The following CAMKMT variants were observed in gnomAD, a reference collection of about 807,000 sequenced individuals.
CAMKMT encodes calmodulin-lysine N-methyltransferase, also known as CaM KMT.
Under a neutral mutation model 48.0 loss-of-function variants are expected in CAMKMT, and 53 were observed. That is an observed-to-expected ratio of 1.10 (90% CI 0.89 to 1.39). CAMKMT has a LOEUF of 1.39. Among genes scored for constraint, CAMKMT ranks in the 40% most tolerant of loss-of-function variants. The pLI, the probability that CAMKMT is intolerant of heterozygous loss-of-function variation, is 0.00. For missense variants in CAMKMT, 428 were observed against 402.7 expected, an observed-to-expected ratio of 1.06 and a Z score of -0.54; for synonymous variants, 165 against 152.3, an observed-to-expected ratio of 1.08 and a Z score of -0.61.
intron 3 of CAMKMT, among the ~76,000 whole-genome samples, chr2:44,595,752 A>G (rs1212556471): frequency 6.6e-6 from 1 of 152,238 alleles, no homozygotes. Flanking sequence ...CATGAATCAT[A>G]GACTGGATAA....
intron 3 of CAMKMT, among the ~76,000 whole-genome samples, chr2:44,525,050 TG>T (rs531072923): frequency 9.6e-4 from 146 of 152,192 alleles, no homozygotes; most frequent in African/African-American, 3.4e-3. Flanking sequence ...TTATTTTATA[TG>T]AGGATAAGTG....
intron 9 of CAMKMT, among the ~76,000 whole-genome samples, chr2:44,765,877 C>A (rs925118306): frequency 6.6e-6 from 1 of 152,178 alleles, no homozygotes; most frequent in Non-Finnish European, 1.5e-5. Context: ...TATCTGACAG[C>A]GTGGTCACAG....
At chr2:44,626,929 A>G (rs1455746140) in intron 3 of CAMKMT, among the ~76,000 whole-genome samples, 1 of 152,188 alleles carries the variant, frequency 6.6e-6, no homozygotes, top group Non-Finnish European at 1.5e-5. Context: ...AAGTGTTTAC[A>G]GTGGATATCC....
chr2:44,681,996 C>T (rs894964817), intron 3 of CAMKMT, among the ~76,000 whole-genome samples: 16 of 152,190 alleles, frequency 1.1e-4, no homozygotes, highest in East Asian at 1.9e-4. Context: ...TCCTCGGTCT[C>T]GATAAGTCTG....
intron 3 of CAMKMT, among the ~76,000 whole-genome samples, chr2:44,485,051 A>C (rs530510965): frequency 1.3e-4 from 20 of 152,324 alleles, no homozygotes; most frequent in African/African-American, 4.3e-4. Context: ...GGTGAAAACT[A>C]AGACTGGCAA....
chr2:44,530,052 A>G (rs1435618983), intron 3 of CAMKMT, among the ~76,000 whole-genome samples: 1 of 152,194 alleles, frequency 6.6e-6, no homozygotes, highest in Non-Finnish European at 1.5e-5. Context: ...AGTTAGAGAA[A>G]TGGATTTCAG....
intron 3 of CAMKMT, among the ~76,000 whole-genome samples, chr2:44,495,328 C>T (rs1045225573): frequency 5.9e-5 from 9 of 151,926 alleles, no homozygotes; most frequent in East Asian, 1.9e-4. Flanking sequence ...TTTTTGGTAG[C>T]GGTCAGGATC....
chr2:44,672,677 T>C (rs1263825374), intron 3 of CAMKMT, among the ~76,000 whole-genome samples: 2 of 152,200 alleles, frequency 1.3e-5, no homozygotes, highest in East Asian at 1.9e-4. Flanking sequence ...CAGAAACTCA[T>C]AGTTGCTTAT....
At position 44,634,616 on chromosome 2, in the gene CAMKMT, G is replaced by A. The variant is rs188672418; in HGVS notation, c.377-69667G>A. Among the ~76,000 whole-genome samples, 5 of 152,056 alleles carry A rather than the reference G, an allele frequency of 3.3e-5. No individual in the cohort carries two copies. The East Asian group carries it at 9.7e-4, about 29-fold the overall frequency. On this transcript the variant is annotated intron_variant, in intron 3 of 10. Transcript: ENST00000378494. ...CATGCCAGGATTTGGGGATACAAAGGAATAACTCTTTCTATCTTCAAGGAA... is the reference window on the plus strand; with the variant it reads ...CATGCCAGGATTTGGGGATACAAAGAAATAACTCTTTCTATCTTCAAGGAA...
At chr2:44,721,992 A>G (rs543117688) in intron 7 of CAMKMT, among the ~76,000 whole-genome samples, 5 of 152,250 alleles carry the variant, frequency 3.3e-5, no homozygotes, top group African/African-American at 1.2e-4. Flanking sequence ...ACATAAATGG[A>G]AGTGTATAAT....
At chr2:44,577,106 G>A (rs1669265684) in intron 3 of CAMKMT, among the ~76,000 whole-genome samples, 2 of 152,188 alleles carry the variant, frequency 1.3e-5, no homozygotes, top group African/African-American at 4.8e-5. Context: ...CTTTGATGCT[G>A]GTTGTACAAG....
chr2:44,599,404 ATAGCTACTGCACTGGT>A (rs1453161250), intron 3 of CAMKMT, among the ~76,000 whole-genome samples: 1 of 152,124 alleles, frequency 6.6e-6, no homozygotes, highest in African/African-American at 2.4e-5. Context: ...TCAACATTTT[ATAGCTACTGCACTGGT>A]TACAGCTAAT....
chr2:44,524,296 T>C (rs957230121), intron 3 of CAMKMT, among the ~76,000 whole-genome samples: 15 of 152,118 alleles, frequency 9.9e-5, no homozygotes, highest in African/African-American at 3.1e-4. Context: ...ATACAGTCCA[T>C]CTTCGTAGCC....
chr2:44,653,234 C>T lies in CAMKMT; in HGVS notation c.377-51049C>T, dbSNP rs1232062885. Among the ~76,000 whole-genome samples the T allele has an allele frequency of 1.3e-5, 2 of 152,082 alleles. No individual in the cohort carries two copies. The highest frequency in any genetic ancestry group is 2.9e-5 in the Non-Finnish European group (2 of 68,002). On this transcript the variant is annotated intron_variant, in intron 3 of 10. Coordinates refer to ENST00000378494, the MANE Select transcript of CAMKMT (RefSeq NM_024766.5). This position sits in a 1 kb window ranked among gnomAD's most constrained non-coding sequence, Gnocchi z 5.2. ...GGGACATCTCCTCTGCTTTTAATAT[C>T]CTCTTCAACTGGCCCAGAGAGCTCC...
At chr2:44,743,798 G>T in intron 8 of CAMKMT, 102 bp downstream of exon 8, 1 of 784,046 alleles carries the variant, frequency 1.3e-6, no homozygotes, top group Non-Finnish European at 2.1e-6. Flanking sequence ...GTCAACAAAT[G>T]AAGCACAAAG....
chr2:44,527,350 A>G (rs936108089), intron 3 of CAMKMT, among the ~76,000 whole-genome samples: 19 of 143,472 alleles, frequency 1.3e-4, no homozygotes, highest in African/African-American at 4.9e-4. Flanking sequence ...ATATATACAT[A>G]TATAATATAT....
intron 3 of CAMKMT, among the ~76,000 whole-genome samples, chr2:44,667,234 T>C (rs1675041566): frequency 1.3e-5 from 2 of 152,206 alleles, no homozygotes; most frequent in South Asian, 4.1e-4. Flanking sequence ...CCTGACTAAA[T>C]GGATTGATTT....
chr2:44,746,788 G>A (rs1013874223), intron 8 of CAMKMT, among the ~76,000 whole-genome samples: 5 of 152,204 alleles, frequency 3.3e-5, no homozygotes, highest in Non-Finnish European at 5.9e-5. Flanking sequence ...TTAATATAAG[G>A]ATTCCTTTCT....
chr2:44,429,866 A>G (rs1328595352), intron 3 of CAMKMT, among the ~76,000 whole-genome samples: 1 of 151,590 alleles, frequency 6.6e-6, no homozygotes, highest in Non-Finnish European at 1.5e-5. Context: ...TCAGGTGCTA[A>G]TTTACCCATA....
Sources: allele counts gnomAD v4.1 joint callset (sites outside exome capture counted in the v4.1 genomes callset), GRCh38; gene constraint gnomAD v4.1.1; non-coding constraint Gnocchi (gnomAD v3.1); transcripts MANE v1.5; gene names NCBI Gene and HGNC (gene_info 2026-07-23, HGNC 2026-07-21).